SULF2: variants seen among roughly 807,000 people sequenced by gnomAD.
SULF2 encodes the protein extracellular sulfatase Sulf-2.
SULF2 carries 52 observed loss-of-function variants against 107.7 expected under a neutral mutation model. That is an observed-to-expected ratio of 0.48 (90% CI 0.39 to 0.61). SULF2 has a LOEUF of 0.61. SULF2 is among the 20% of genes least tolerant of loss of function. The probability of loss-of-function intolerance (pLI) is 0.00; values close to 1 mark genes in which losing one functional copy is unlikely to be tolerated. For synonymous variants in SULF2, 460 were observed against 464.3 expected, an observed-to-expected ratio of 0.99 and a Z score of 0.12; for missense variants, 993 against 1,177.3, an observed-to-expected ratio of 0.84 and a Z score of 2.29.
intron 2 of SULF2, among the ~76,000 whole-genome samples, chr20:47,751,513 T>C (rs1287272286): frequency 6.6e-6 from 1 of 152,198 alleles, no homozygotes; most frequent in Non-Finnish European, 1.5e-5. Flanking sequence ...CAGGGATGGC[T>C]TGCACCTGTA....
chr20:47,758,398 T>C (rs1234694170), intron 1 of SULF2, among the ~76,000 whole-genome samples: 2 of 152,178 alleles, frequency 1.3e-5, no homozygotes, highest in African/African-American at 4.8e-5. Context: ...CTTGAACTCC[T>C]GAACTCAGGT....
chr20:47,678,935 C>CT lies in SULF2; in HGVS notation c.1065-132dup, dbSNP rs1294149733. The CT allele has an allele frequency of 2.6e-6, 2 of 760,236 alleles. No homozygotes were observed. The highest frequency in any genetic ancestry group is 3.4e-5 in the African/African-American group (2 of 58,568). The allele number at this position is 760,236 out of a possible 1,614,324, so 47.1% of individuals were successfully genotyped here. A position where few individuals can be genotyped will look rare whatever the true frequency, so the allele number is the denominator to read the frequency against. On this transcript the variant is annotated intron_variant, in intron 7 of 20. Transcript: ENST00000688720. This position sits in a 1 kb window ranked among gnomAD's most constrained non-coding sequence, Gnocchi z 4.5. ...CATCTGCAGGTATGGAAGCTGCAGT[C>CT]TGGCACCTCAACCTCAGCAGCTCCC...
chr20:47,676,466 C>A (rs1268004784), intron 10 of SULF2, 28 bp downstream of exon 10: 2 of 1,599,846 alleles, frequency 1.3e-6, no homozygotes, highest in Non-Finnish European at 1.7e-6. Context: ...GGAGGGGGAG[C>A]CGTTGGGAGG....
intron 2 of SULF2, among the ~76,000 whole-genome samples, chr20:47,749,251 CTTGT>C (rs1471526088): frequency 6.6e-6 from 1 of 152,196 alleles, no homozygotes; most frequent in African/African-American, 2.4e-5. Context: ...ATAATTCTGT[CTTGT>C]TTAAGCCACT....
At chr20:47,681,091 C>A (rs1432529358) in intron 7 of SULF2, among the ~76,000 whole-genome samples, 1 of 152,180 alleles carries the variant, frequency 6.6e-6, no homozygotes, top group Non-Finnish European at 1.5e-5. Flanking sequence ...TCTGGAGCTG[C>A]TGACCCTGCC....
intron 7 of SULF2, 84 bp downstream of exon 7, chr20:47,682,910 G>C (rs1602633605): frequency 2.3e-5 from 32 of 1,377,170 alleles, no homozygotes; most frequent in Non-Finnish European, 3.0e-5. Context: ...GCCACCCAGG[G>C]TGGGCTTGGG....
chr20:47,757,341 A>T lies in SULF2; in HGVS notation c.23T>A (p.Leu8Gln), dbSNP rs776541855. The change falls in exon 2 of 21, where the codon CTG becomes CAG. Residue 8 changes from leucine to glutamine, a missense_variant. Coordinates refer to ENST00000688720, the MANE Select transcript of SULF2 (RefSeq NM_001387048.1). The stretch of plus-strand genomic sequence containing the variant: ...GAACACAGTTGCGGACAGCAAGCAC[A>T]GCACGAGGCTCGGGGGGCCCATCTT... MGPPSLV[L>Q]CLLSATVFSL... 34 of 1,600,094 alleles carry T rather than the reference A, an allele frequency of 2.1e-5. No individual in the cohort carries two copies. In the South Asian group the frequency reaches 3.8e-4, roughly 18 times the overall value.
At chr20:47,774,753 C>G (rs777030612) in intron 1 of SULF2, among the ~76,000 whole-genome samples, 1 of 152,194 alleles carries the variant, frequency 6.6e-6, no homozygotes, top group African/African-American at 2.4e-5. Context: ...AGCACCCCAG[C>G]TTCCTTTTGA....
chr20:47,676,586 C>T lies in SULF2; in HGVS notation c.1288G>A (p.Ala430Thr), dbSNP rs1049309814. Residue 430 changes from alanine (A) to threonine (T), a missense_variant, in exon 10 of 21, where the codon GCC becomes ACC. Transcript: ENST00000688720. Reference protein sequence around the residue: ...LHKRDNDKVDAQEENFLPKYQ... With the variant: ...LHKRDNDKVDTQEENFLPKYQ... ...TTGGGCAGAAAGTTCTCCTCCTGGG[C>T]GTCCACCTTGTCATTGTCTCTCTTG... The T allele has an allele frequency of 3.2e-6, 5 of 1,564,136 alleles. No homozygotes were observed. Among genetic ancestry groups the T allele is most frequent in the African/African-American group, 1.4e-5 (1 of 73,902 alleles).
At chr20:47,692,051 C>G (rs1338676823) in intron 4 of SULF2, among the ~76,000 whole-genome samples, 1 of 152,166 alleles carries the variant, frequency 6.6e-6, no homozygotes, top group African/African-American at 2.4e-5. Context: ...CAGGCGTGAG[C>G]CACAGCACCC....
intron 10 of SULF2, among the ~76,000 whole-genome samples, chr20:47,675,033 G>A (rs1200835230): frequency 6.6e-6 from 1 of 152,200 alleles, no homozygotes; most frequent in Non-Finnish European, 1.5e-5. Flanking sequence ...TGCTCTGATT[G>A]TTTGGAAAAT....
chr20:47,768,817 G>A (rs975177703), intron 1 of SULF2, among the ~76,000 whole-genome samples: 2 of 151,808 alleles, frequency 1.3e-5, no homozygotes, highest in Admixed American at 1.3e-4. Flanking sequence ...GCTCTCTTCA[G>A]AGCACTTATC....
At chr20:47,664,990 G>C (rs2087212721) in intron 14 of SULF2, among the ~76,000 whole-genome samples, 1 of 152,244 alleles carries the variant, frequency 6.6e-6, no homozygotes, top group Non-Finnish European at 1.5e-5. Flanking sequence ...TAGCAGTACT[G>C]GAATCTGGGC....
Position 47,672,412 on chromosome 20 carries a change from C to G in SULF2, c.1381-19G>C. On this transcript the variant is annotated intron_variant, in intron 10 of 20. Coordinates refer to ENST00000688720, the MANE Select transcript of SULF2 (RefSeq NM_001387048.1). ...GCCACTTCTGAAAGACATGCCAGGG[C>G]CTCGGCCAGCTGCTCATCTGCTCCC... is the stretch of plus-strand genomic sequence containing the variant. 3 of 1,565,980 alleles carry G rather than the reference C, an allele frequency of 1.9e-6. No homozygotes were observed. The highest frequency in any genetic ancestry group is 2.6e-6 in the Non-Finnish European group (3 of 1,156,456).
chr20:47,764,091 C>T (rs1258013959), intron 1 of SULF2, among the ~76,000 whole-genome samples: 1 of 152,244 alleles, frequency 6.6e-6, no homozygotes, highest in Non-Finnish European at 1.5e-5. Flanking sequence ...GCTGCTCCCT[C>T]TGCCTGGAGC....
chr20:47,718,190 A>T (rs760967176), intron 3 of SULF2, among the ~76,000 whole-genome samples: 2 of 152,150 alleles, frequency 1.3e-5, no homozygotes, highest in Non-Finnish European at 2.9e-5. Context: ...AACAGCTTGC[A>T]TTTAAGTTCA....
chr20:47,784,137 G>C lies in SULF2; in HGVS notation c.-101+1206C>G, dbSNP rs2090879523. ...TCTCCTGCTCCCTGTCTCCCCCTGAGAACCTGCTCCAGCGCAGCCTCCCCT... is the reference window on the plus strand; with the variant it reads ...TCTCCTGCTCCCTGTCTCCCCCTGACAACCTGCTCCAGCGCAGCCTCCCCT... On this transcript the variant is annotated intron_variant, in intron 1 of 20. Transcript: ENST00000688720. Among the ~76,000 whole-genome samples the C allele has an allele frequency of 1.3e-5, 2 of 152,134 alleles. 1 individual carries two copies. Among genetic ancestry groups the C allele is most frequent in the East Asian group, 3.9e-4 (2 of 5,184 alleles).
chr20:47,719,408 G>A (rs2089222169), intron 3 of SULF2, among the ~76,000 whole-genome samples: 2 of 152,166 alleles, frequency 1.3e-5, no homozygotes, highest in African/African-American at 2.4e-5. Context: ...GTGTCCTGCT[G>A]GTTGGATGCA....
intron 3 of SULF2, chr20:47,706,500 A>G (rs1200825208): frequency 6.6e-6 from 1 of 152,214 alleles, no homozygotes; most frequent in Non-Finnish European, 1.5e-5. Flanking sequence ...CAAGACATAA[A>G]CAAGTGGGCG....
Sources: allele counts gnomAD v4.1 joint callset (sites outside exome capture counted in the v4.1 genomes callset), GRCh38; gene constraint gnomAD v4.1.1; non-coding constraint Gnocchi (gnomAD v3.1); transcripts MANE v1.5; gene names NCBI Gene and HGNC (gene_info 2026-07-23, HGNC 2026-07-21).